ITPRID2: variants seen among roughly 807,000 people sequenced by gnomAD.
The protein encoded by ITPRID2 is protein ITPRID2.
Under a neutral mutation model 124.3 loss-of-function variants are expected in ITPRID2, and 60 were observed. The observed-to-expected ratio is 0.48, with a 90% CI of 0.39 to 0.60. ITPRID2 has a LOEUF of 0.60. ITPRID2 is among the 20% of genes least tolerant of loss of function. The pLI is 0.00. For synonymous variants in ITPRID2, 521 were observed against 542.9 expected (o/e 0.96, Z 0.56); for missense variants, 1,553 against 1,512.2 (o/e 1.03, Z -0.45).
intron 7 of ITPRID2, among the ~76,000 whole-genome samples, chr2:181,901,180 C>A (rs1194489688): frequency 6.6e-6 from 1 of 152,064 alleles, no homozygotes; most frequent in African/African-American, 2.4e-5. Flanking sequence ...TGCTTTTATT[C>A]AAGAAGAAAA....
In ITPRID2 at chr2:181,891,778, G is replaced by T. The variant is rs1466276558; in HGVS notation, c.-289G>T. On this transcript the variant is annotated 5_prime_UTR_variant, in exon 1 of 18. Transcript: ENST00000431877. ...CCGGGCGCGTCAGGCAGGGGGTGGG[G>T]AGCAGGGGCCGGGCGGGCGCTCGGC... is the stretch of plus-strand genomic sequence containing the variant. 2.8e-5 allele frequency: 6 copies of T among 211,270 alleles called. No homozygotes were observed. In the South Asian group the frequency reaches 5.5e-4, roughly 19 times the overall value. The allele number at this position is 211,270 out of a possible 1,614,324, so 13.1% of individuals were successfully genotyped here.
At chr2:181,894,438 T>C (rs1692020117) in intron 2 of ITPRID2, 1 of 152,186 alleles carries the variant, frequency 6.6e-6, no homozygotes, top group Non-Finnish European at 1.5e-5. Flanking sequence ...GGCATTCATT[T>C]GTATCCAGGA....
chr2:181,916,660 T>C, intron 11 of ITPRID2: 1 of 721,198 alleles, frequency 1.4e-6, no homozygotes, highest in Non-Finnish European at 2.0e-6. Context: ...CTGTCTCCTT[T>C]CCAAGAGGAG....
At position 181,906,797 on chromosome 2, in the gene ITPRID2, C is replaced by T. The variant is rs532315438; in HGVS notation, c.1414-3102C>T. ...TTTATCGCAGATAATTGTCAGAGGC[C>T]GTTAGCCAGTAAGTGGCATGAATAA... On this transcript the variant is annotated intron_variant, in intron 8 of 17. Coordinates refer to ENST00000431877, the MANE Select transcript of ITPRID2 (RefSeq NM_001130445.3). 1.3e-4 allele frequency among the ~76,000 whole-genome samples: 20 copies of T among 152,010 alleles called. No individual in the cohort carries two copies. The South Asian group carries it at 2.7e-3, about 21-fold the overall frequency.
intron 8 of ITPRID2, among the ~76,000 whole-genome samples, chr2:181,906,826 T>C (rs1693170294): frequency 6.6e-6 from 1 of 152,198 alleles, no homozygotes; most frequent in Non-Finnish European, 1.5e-5. Context: ...TGAATAAGAC[T>C]TGAATTCACG....
Position 181,892,565 on chromosome 2 carries a change from G to C in ITPRID2, c.212-50G>C. The C allele has an allele frequency of 3.1e-6, 5 of 1,611,768 alleles. No individual in the cohort carries two copies. The highest frequency in any genetic ancestry group is 4.2e-6 in the Non-Finnish European group (5 of 1,177,882). ...TGGGAGGGTCCAGGGTGACTCCGCC[G>C]TCGTAGTGCTCCTGGGTGGTAACGT... On this transcript the variant is annotated intron_variant, in intron 1 of 17. Coordinates refer to ENST00000431877, the MANE Select transcript of ITPRID2 (RefSeq NM_001130445.3). The surrounding 1 kb of genome is among the most constrained non-coding windows in gnomAD (Gnocchi z 5.2).
At position 181,892,979 on chromosome 2, in the gene ITPRID2, C is replaced by A; in HGVS notation, c.257+319C>A. 1 of 445,834 alleles carries A rather than the reference C, an allele frequency of 2.2e-6. No homozygotes were observed. Among genetic ancestry groups the A allele is most frequent in the Admixed American group, 3.5e-5 (1 of 28,506 alleles). The allele number at this position is 445,834 out of a possible 1,614,324, so 27.6% of individuals were successfully genotyped here. ...TTTATTTGAAAGAATTCTCACATCT[C>A]GAACAGGATATTTTGTTTTGCTTTA... On this transcript the variant is annotated intron_variant, in intron 2 of 17. Coordinates refer to ENST00000431877, the MANE Select transcript of ITPRID2 (RefSeq NM_001130445.3). This position sits in a 1 kb window ranked among gnomAD's most constrained non-coding sequence, Gnocchi z 5.2.
intron 6 of ITPRID2, 111 bp downstream of exon 6, chr2:181,899,223 A>G: frequency 1.3e-6 from 1 of 758,126 alleles, no homozygotes; most frequent in Non-Finnish European, 2.1e-6. Context: ...GAAAGAACAC[A>G]AAAAGAGCGT....
rs1182581938 is a variant in ITPRID2 at position 181,928,144 on chromosome 2, T to C, written c.3676-17T>C. Reference sequence around the variant, plus strand: ...TTCATATTGGTAAATTTTTGTTTTATTGTTTTTCCAATCTAGATTAAAGAG... The same window carrying C: ...TTCATATTGGTAAATTTTTGTTTTACTGTTTTTCCAATCTAGATTAAAGAG... On this transcript the variant is annotated splice_polypyrimidine_tract_variant and intron_variant, in intron 16 of 17. Coordinates refer to ENST00000431877, the MANE Select transcript of ITPRID2 (RefSeq NM_001130445.3). 23 of 1,485,290 alleles carry C rather than the reference T, an allele frequency of 1.5e-5. No individual in the cohort carries two copies. The highest frequency in any genetic ancestry group is 5.1e-5 in the Admixed American group (2 of 38,912). 92.0% of individuals were successfully genotyped at this position (1,485,290 alleles called of 1,614,324 possible). A position where few individuals can be genotyped will look rare whatever the true frequency, so the allele number is the denominator to read the frequency against.
intron 8 of ITPRID2, among the ~76,000 whole-genome samples, chr2:181,908,804 T>A (rs1293426572): frequency 6.6e-6 from 1 of 152,210 alleles, no homozygotes. Flanking sequence ...AATAGCTTCA[T>A]AACTAAAAAC....
intron 14 of ITPRID2, 56 bp from the exon 15 acceptor site, chr2:181,920,541 C>A: frequency 1.7e-6 from 2 of 1,164,292 alleles, no homozygotes; most frequent in Non-Finnish European, 2.5e-6. Flanking sequence ...ATTATATATG[C>A]ATGTATGTAT....
At chr2:181,897,520 A>AAAGTAAACTTT (rs1465031417) in intron 4 of ITPRID2, among the ~76,000 whole-genome samples, 6 of 151,958 alleles carry the variant, frequency 3.9e-5, no homozygotes, top group African/African-American at 1.4e-4. Flanking sequence ...GTGTTGTGCT[A>AAAGTAAACTTT]TTTAAAAGTT....
chr2:181,892,452 C>T lies in ITPRID2; in HGVS notation c.212-163C>T, dbSNP rs1271248849. 1 of 1,134,136 alleles carries T rather than the reference C, an allele frequency of 8.8e-7. No individual in the cohort carries two copies. The highest frequency in any genetic ancestry group is 1.3e-6 in the Non-Finnish European group (1 of 787,584). The allele number at this position is 1,134,136 out of a possible 1,614,324, so 70.3% of individuals were successfully genotyped here. A position where few individuals can be genotyped will look rare whatever the true frequency, so the allele number is the denominator to read the frequency against. On this transcript the variant is annotated intron_variant, in intron 1 of 17. Coordinates refer to ENST00000431877, the MANE Select transcript of ITPRID2 (RefSeq NM_001130445.3). This position sits in a 1 kb window ranked among gnomAD's most constrained non-coding sequence, Gnocchi z 5.2. Reference sequence around the variant, plus strand: ...GAACGAGGCGCCCCCAGCGTCAACACAGACAACTGGGTGCCATCCGATTTC... The same window carrying T: ...GAACGAGGCGCCCCCAGCGTCAACATAGACAACTGGGTGCCATCCGATTTC...
Position 181,928,220 on chromosome 2 carries a change from A to T in ITPRID2, c.3735A>T (p.Ala1245=). The stretch of plus-strand genomic sequence containing the variant: ...AAATTGTAAGTGGACTTTTGGCAGC[A>T]GTATCTTCAAGTAAAGCGTCTAATT... ...RREIVSGLLA[A]VSSSKASNSK... Residue 1245 remains alanine, a synonymous_variant, in exon 17 of 18, where the codon GCA becomes GCT. Coordinates refer to ENST00000431877, the MANE Select transcript of ITPRID2 (RefSeq NM_001130445.3). 1 of 1,551,096 alleles carries T rather than the reference A, an allele frequency of 6.4e-7. No homozygotes were observed. Among genetic ancestry groups the T allele is most frequent in the Non-Finnish European group, 8.7e-7 (1 of 1,146,654 alleles).
At chr2:181,929,088 A>G (rs1215217668) in intron 17 of ITPRID2, among the ~76,000 whole-genome samples, 1 of 151,802 alleles carries the variant, frequency 6.6e-6, no homozygotes, top group African/African-American at 2.4e-5. Flanking sequence ...CTCTAATTAC[A>G]TTAAAAAATT....
intron 4 of ITPRID2, among the ~76,000 whole-genome samples, 175 bp from the exon 5 acceptor site, chr2:181,898,705 C>T (rs1422426847): frequency 1.3e-5 from 2 of 152,036 alleles, no homozygotes; most frequent in African/African-American, 4.8e-5. Context: ...TGGCCCTGTT[C>T]TTATCTATCT....
intron 12 of ITPRID2, 36 bp from the exon 13 acceptor site, chr2:181,918,718 GA>G: frequency 6.2e-7 from 1 of 1,613,388 alleles, no homozygotes; most frequent in East Asian, 2.2e-5. Context: ...ATAATTTGTA[GA>G]ATTTAGAAGT....
intron 8 of ITPRID2, among the ~76,000 whole-genome samples, chr2:181,909,329 G>C (rs552555486): frequency 6.6e-6 from 1 of 152,228 alleles, no homozygotes; most frequent in South Asian, 2.1e-4. Context: ...TTCTGCAGTG[G>C]TAGCACTGTG....
rs776421195 is a variant in ITPRID2, at chr2:181,902,131, AAAG to A, written c.1085_1087del (p.Glu362del). 8.8e-5 allele frequency: 142 copies of A among 1,613,242 alleles called. No individual in the cohort carries two copies. The highest frequency in any genetic ancestry group is 1.6e-4 in the Middle Eastern group (1 of 6,082). On this transcript the variant is annotated inframe_deletion, in exon 8 of 18. Transcript: ENST00000431877. This position sits in a 1 kb window ranked among gnomAD's most constrained non-coding sequence, Gnocchi z 4.4. Reference sequence around the variant, plus strand: ...GTCATCTTCTATGTTGGCTACAGTTAAAGAAGAAGTCTCTGGTAGTTCAGCAGC... The same window carrying A: ...GTCATCTTCTATGTTGGCTACAGTTAAAGAAGTCTCTGGTAGTTCAGCAGC...
Sources: gnomAD v4.1 joint callset for allele counts (sites outside exome capture counted in the v4.1 genomes callset) on GRCh38, gnomAD v4.1.1 for gene constraint, Gnocchi (gnomAD v3.1) non-coding constraint, MANE v1.5 for transcripts, NCBI Gene and HGNC (gene_info 2026-07-23, HGNC 2026-07-21) for gene names.